MIX23: variants seen among roughly 807,000 people sequenced by gnomAD.
The protein encoded by MIX23 is protein MIX23.
In MIX23, 13 loss-of-function variants were observed where a neutral mutation model predicts 21.6. The ratio of observed to expected loss-of-function variants is 0.60; its 90% CI spans 0.39 to 0.96. MIX23 has a LOEUF of 0.96. MIX23 is among the 40% of genes least tolerant of loss of function. The pLI is 0.00. For synonymous variants in MIX23, 59 were observed against 58.0 expected (o/e 1.02, Z -0.08); for missense variants, 144 against 171.2 (o/e 0.84, Z 0.89).
Position 122,375,121 on chromosome 3 carries a change from G to A in MIX23, c.52-3321C>T, listed in dbSNP as rs563072629. Among the ~76,000 whole-genome samples the A allele has an allele frequency of 1.5e-3, 226 of 152,222 alleles. 2 individuals carry two copies. The highest frequency in any genetic ancestry group is 3.3e-3 in the Admixed American group (50 of 15,282). ...TGCACTCCAGCCTGGGCAACACAGC[G>A]AGACTCTGTCTAAAACAAACAAACA... On this transcript the variant is annotated intron_variant, in intron 1 of 4. Transcript: ENST00000291458.
chr3:122,369,505 T>C lies in MIX23; in HGVS notation c.178-1183A>G, dbSNP rs544540242. 1.2e-4 allele frequency among the ~76,000 whole-genome samples: 18 copies of C among 152,336 alleles called. No homozygotes were observed. The East Asian group carries it at 3.3e-3, about 28-fold the overall frequency. ...GGGAACTCAGTGGTGCTTATTGGTA[T>C]GGGCACTCTGCTGCAGGCTCGATCC... is the stretch of plus-strand genomic sequence containing the variant. On this transcript the variant is annotated intron_variant, in intron 2 of 4. Coordinates refer to ENST00000291458, the MANE Select transcript of MIX23 (RefSeq NM_001017928.4).
intron 4 of MIX23, among the ~76,000 whole-genome samples, chr3:122,361,074 A>C (rs923392622): frequency 7.2e-5 from 11 of 152,004 alleles, no homozygotes; most frequent in African/African-American, 2.2e-4. Flanking sequence ...CGAACTCCTG[A>C]CCTCAAGAGA....
intron 2 of MIX23, among the ~76,000 whole-genome samples, chr3:122,370,355 G>A (rs1354514118): frequency 6.6e-6 from 1 of 150,566 alleles, no homozygotes; most frequent in Non-Finnish European, 1.5e-5. Flanking sequence ...TACTTGGGAG[G>A]CTGAGGTGCA....
chr3:122,371,887 G>C, intron 1 of MIX23, 87 bp from the exon 2 acceptor site: 1 of 1,136,132 alleles, frequency 8.8e-7, no homozygotes, highest in Non-Finnish European at 1.2e-6. Context: ...AAAGCTCTTG[G>C]ATATTTTACA....
intron 1 of MIX23, among the ~76,000 whole-genome samples, chr3:122,377,316 A>G (rs190821918): frequency 1.4e-4 from 21 of 152,366 alleles, no homozygotes; most frequent in Admixed American, 1.3e-3. Context: ...GAAGAGTGGA[A>G]TAGAAAGTAG....
intron 4 of MIX23, 105 bp downstream of exon 4, chr3:122,362,863 C>A: frequency 1.5e-6 from 1 of 655,410 alleles, no homozygotes; most frequent in Non-Finnish European, 2.5e-6. Context: ...GTGATCTCTA[C>A]TTTCCTTACA....
At chr3:122,372,889 A>T (rs1308066722) in intron 1 of MIX23, 1 of 322,174 alleles carries the variant, frequency 3.1e-6, no homozygotes, top group Non-Finnish European at 6.1e-6. Context: ...GAATATACTT[A>T]TTATTGAAAA....
chr3:122,381,497 G>C (rs369497510), intron 1 of MIX23, among the ~76,000 whole-genome samples: 166 of 152,232 alleles, frequency 1.1e-3, no homozygotes, highest in African/African-American at 3.9e-3. Flanking sequence ...AGGCTGAAAG[G>C]GGTGCGGATC....
At chr3:122,376,721 A>C (rs1156932696) in intron 1 of MIX23, among the ~76,000 whole-genome samples, 5 of 152,192 alleles carry the variant, frequency 3.3e-5, no homozygotes, top group Non-Finnish European at 7.3e-5. Context: ...ACAGAAAATC[A>C]AATACCAAAT....
chr3:122,368,505 C>A (rs2107679934), intron 2 of MIX23, among the ~76,000 whole-genome samples, 183 bp from the exon 3 acceptor site: 1 of 152,274 alleles, frequency 6.6e-6, no homozygotes. Flanking sequence ...ACATAACTGG[C>A]AGCATCTCTG....
Position 122,363,010 on chromosome 3 carries a change from T to C in MIX23, c.342A>G (p.Ser114=). The C allele has an allele frequency of 2.5e-6, 4 of 1,612,628 alleles. No homozygotes were observed. The highest frequency in any genetic ancestry group is 3.4e-6 in the Non-Finnish European group (4 of 1,179,354). The change falls in exon 4 of 5, where the codon TCA becomes TCG. Residue 114 remains serine (S), a synonymous_variant. Coordinates refer to ENST00000291458, the MANE Select transcript of MIX23 (RefSeq NM_001017928.4). ...KEQTKLKWMQ[S]ELNVEEVVND... ...TTACCACTTCTTCAACATTCAGTTC[T>C]GACTGCATCCATTTCAACTGCAAGA... is the stretch of plus-strand genomic sequence containing the variant.
At chr3:122,371,126 C>A (rs926732019) in intron 2 of MIX23, among the ~76,000 whole-genome samples, 1 of 152,040 alleles carries the variant, frequency 6.6e-6, no homozygotes, top group African/African-American at 2.4e-5. Context: ...CTTTTGGAGA[C>A]TAAAAAAGAG....
intron 2 of MIX23, among the ~76,000 whole-genome samples, chr3:122,368,916 A>G (rs1244265905): frequency 6.6e-6 from 1 of 152,254 alleles, no homozygotes; most frequent in Non-Finnish European, 1.5e-5. Context: ...TATGAAGCAC[A>G]GATTAGTGGT....
At chr3:122,379,653 C>A (rs527470045) in intron 1 of MIX23, among the ~76,000 whole-genome samples, 63 of 152,302 alleles carry the variant, frequency 4.1e-4, no homozygotes, top group African/African-American at 1.4e-3. Flanking sequence ...CTGAACAGAA[C>A]AGACATTATA....
At chr3:122,375,511 A>T (rs2075478557) in intron 1 of MIX23, among the ~76,000 whole-genome samples, 1 of 152,192 alleles carries the variant, frequency 6.6e-6, no homozygotes, top group African/African-American at 2.4e-5. Flanking sequence ...ATTTGGGATG[A>T]CCTCAAAATG....
At chr3:122,380,088 AAAGTT>A (rs2075518737) in intron 1 of MIX23, among the ~76,000 whole-genome samples, 3 of 152,148 alleles carry the variant, frequency 2.0e-5, no homozygotes, top group Non-Finnish European at 4.4e-5. Flanking sequence ...ATTCTCAGGT[AAAGTT>A]ATTTTATAAT....
intron 1 of MIX23, among the ~76,000 whole-genome samples, chr3:122,381,615 C>T (rs2075532183): frequency 6.6e-6 from 1 of 151,480 alleles, no homozygotes; most frequent in Admixed American, 6.6e-5. Context: ...ATAATCCCAG[C>T]TACTCAGGAG....
At chr3:122,368,406 CTA>C (rs981890698) in intron 2 of MIX23, 84 bp from the exon 3 acceptor site, 2 of 1,326,830 alleles carry the variant, frequency 1.5e-6, no homozygotes, top group Non-Finnish European at 2.0e-6. Flanking sequence ...ATCCTTGAGA[CTA>C]TAGAAATTCA....
intron 2 of MIX23, among the ~76,000 whole-genome samples, chr3:122,369,179 A>T (rs2075419307): frequency 6.6e-6 from 1 of 152,222 alleles, no homozygotes; most frequent in Non-Finnish European, 1.5e-5. Flanking sequence ...TTTTATGTTT[A>T]CCATGGGAAT....
Sources: gnomAD v4.1 joint callset for allele counts (sites outside exome capture counted in the v4.1 genomes callset) on GRCh38, gnomAD v4.1.1 for gene constraint, MANE v1.5 for transcripts, NCBI Gene and HGNC (gene_info 2026-07-23, HGNC 2026-07-21) for gene names.